Variants in AMZ1 observed in about 807,000 individuals in gnomAD.
The protein encoded by AMZ1 is archaelysin family metallopeptidase 1.
Under a neutral mutation model 29.9 loss-of-function variants are expected in AMZ1, and 39 were observed. That is an observed-to-expected ratio of 1.30 (90% confidence interval 1.01 to 1.70). AMZ1 has a LOEUF of 1.70. Ranked by LOEUF, AMZ1 falls within the 40% of genes most tolerant of loss-of-function variation. AMZ1 has a pLI of 0.00. For synonymous variants in AMZ1, 458 were observed against 304.0 expected, an observed-to-expected ratio of 1.51 and a Z score of -5.27; for missense variants, 1,041 against 680.6, an observed-to-expected ratio of 1.53 and a Z score of -5.89.
rs764576374 is a variant in AMZ1, at chr7:2,709,780, G to A, written c.912G>A (p.Gln304=). The change falls in exon 6 of 7, where the codon CAG becomes CAA. Residue 304 remains glutamine, a synonymous_variant. Coordinates refer to ENST00000683327, the MANE Select transcript of AMZ1 (RefSeq NM_001384743.1). ...DLCPICLRKL[Q]HVLGFRLIER... is the part of the protein sequence containing the mutation. Reference sequence around the variant, plus strand: ...GTCCCATCTGCCTGAGGAAGCTGCAGCATGTCCTGGGTTTCAGGCTCATCG... The same window carrying A: ...GTCCCATCTGCCTGAGGAAGCTGCAACATGTCCTGGGTTTCAGGCTCATCG... 6.2e-7 allele frequency: 1 copy of A among 1,612,122 alleles called. No individual in the cohort carries two copies. Among genetic ancestry groups the A allele is most frequent in the South Asian group, 1.1e-5 (1 of 91,032 alleles).
At chr7:2,759,187 AT>A (rs1791443854) in intron 4 of AMZ1, among the ~76,000 whole-genome samples, 1 of 149,122 alleles carries the variant, frequency 6.7e-6, no homozygotes, top group Admixed American at 6.6e-5. Context: ...AAATAAATAA[AT>A]AAAATAAAAA....
intron 4 of AMZ1, among the ~76,000 whole-genome samples, chr7:2,735,732 T>C (rs980464948): frequency 3.9e-5 from 6 of 152,168 alleles, no homozygotes; most frequent in African/African-American, 1.4e-4. Flanking sequence ...TATCTGTGAC[T>C]CTCGGTCATC....
At chr7:2,709,920 T>C (rs1788658177) in intron 6 of AMZ1, 104 bp downstream of exon 6, 1 of 1,482,548 alleles carries the variant, frequency 6.7e-7, no homozygotes, top group Non-Finnish European at 9.1e-7. Context: ...ACACAGGCTT[T>C]GTCAACTGCC....
At chr7:2,728,334 C>T (rs1789713932) in intron 4 of AMZ1, 1 of 152,178 alleles carries the variant, frequency 6.6e-6, no homozygotes, top group Non-Finnish European at 1.5e-5. Context: ...AATCTTCTTT[C>T]AAGAGTTTTT....
chr7:2,738,436 A>T (rs1330988140), intron 4 of AMZ1, among the ~76,000 whole-genome samples: 1 of 152,216 alleles, frequency 6.6e-6, no homozygotes, highest in African/African-American at 2.4e-5. Flanking sequence ...GCGAAGGAGA[A>T]GAGCTCCGTG....
chr7:2,684,252 G>A (rs1786989687), upstream of AMZ1, among the ~76,000 whole-genome samples: 1 of 152,106 alleles, frequency 6.6e-6, no homozygotes, highest in Non-Finnish European at 1.5e-5. Context: ...CTCTTACAAA[G>A]TCACTTGCAT....
intron 3 of AMZ1, among the ~76,000 whole-genome samples, chr7:2,705,289 G>A (rs1277754560): frequency 6.6e-6 from 1 of 152,088 alleles, no homozygotes; most frequent in Non-Finnish European, 1.5e-5. Flanking sequence ...GCATGTCAGG[G>A]TCATCCTGCC....
chr7:2,690,797 A>C (rs1787341712), intron 1 of AMZ1, among the ~76,000 whole-genome samples: 1 of 152,080 alleles, frequency 6.6e-6, no homozygotes, highest in Admixed American at 6.6e-5. Flanking sequence ...TTTGGGCCCA[A>C]GTCACACCTG....
chr7:2,744,333 C>T (rs1420987744), intron 4 of AMZ1, among the ~76,000 whole-genome samples: 3 of 152,154 alleles, frequency 2.0e-5, no homozygotes, highest in Non-Finnish European at 2.9e-5. Context: ...TCCAGAGGAA[C>T]GATCAGGCAG....
intron 2 of AMZ1, among the ~76,000 whole-genome samples, chr7:2,701,758 G>GCCTT (rs1193524656): frequency 6.6e-6 from 1 of 152,210 alleles, no homozygotes; most frequent in Non-Finnish European, 1.5e-5. Context: ...ACCTCGCCTG[G>GCCTT]CCTTGCCCCA....
intron 4 of AMZ1, among the ~76,000 whole-genome samples, chr7:2,748,131 A>C (rs1353045745): frequency 1.3e-4 from 19 of 151,030 alleles, no homozygotes; most frequent in South Asian, 2.1e-4. Context: ...GCTACCAATG[A>C]CTTTCTTCAC....
chr7:2,723,887 A>C (rs1159113744), downstream of AMZ1, among the ~76,000 whole-genome samples: 1 of 152,134 alleles, frequency 6.6e-6, no homozygotes, highest in African/African-American at 2.4e-5. Flanking sequence ...CTGCGGCGAT[A>C]AACTTTCCCT....
intron 4 of AMZ1, among the ~76,000 whole-genome samples, chr7:2,751,220 CA>C (rs958951316): frequency 1.3e-5 from 2 of 151,070 alleles, no homozygotes; most frequent in South Asian, 2.1e-4. Context: ...CCCATCTTCT[CA>C]AAAAAAACCC....
At chr7:2,690,467 C>T (rs565659239) in intron 1 of AMZ1, among the ~76,000 whole-genome samples, 6 of 152,236 alleles carry the variant, frequency 3.9e-5, no homozygotes, top group East Asian at 3.9e-4. Context: ...GCGATTGTCC[C>T]GGGAGGTGGC....
Position 2,708,643 on chromosome 7 carries a change from G to C in AMZ1, c.528G>C (p.Leu176=). Residue 176 remains leucine (L), a synonymous_variant, in exon 4 of 7, where the codon CTG becomes CTC. Transcript: ENST00000683327. ...NNKPGDALCV[L]GLTLSDLYPH... is the part of the protein sequence containing the mutation. ...AGCCAGGGGACGCGCTGTGTGTGCTGGGCCTCACACTGTCTGACCTGTACC... is the reference window on the plus strand; with the variant it reads ...AGCCAGGGGACGCGCTGTGTGTGCTCGGCCTCACACTGTCTGACCTGTACC... 6.2e-7 allele frequency: 1 copy of C among 1,613,176 alleles called. No homozygotes were observed. The highest frequency in any genetic ancestry group is 8.5e-7 in the Non-Finnish European group (1 of 1,179,982).
chr7:2,700,554 G>A lies in AMZ1; in HGVS notation c.103G>A (p.Ala35Thr), dbSNP rs774941672. Reference sequence around the variant, plus strand: ...AGCCCTGCAGCAGCTGTATGTGTCCGCCTTCTCCCCTGCCGAGCGGCTCTT... The same window carrying A: ...AGCCCTGCAGCAGCTGTATGTGTCCACCTTCTCCCCTGCCGAGCGGCTCTT... ...DAALQQLYVS[A>T]FSPAERLFLA... is the part of the protein sequence containing the mutation. The change falls in exon 2 of 7, where the codon GCC (alanine) becomes ACC (threonine). Residue 35 changes from alanine to threonine, a missense_variant. Coordinates refer to ENST00000683327, the MANE Select transcript of AMZ1 (RefSeq NM_001384743.1). 7 of 1,609,424 alleles carry A rather than the reference G, an allele frequency of 4.3e-6. 1 individual carries two copies. The highest frequency in any genetic ancestry group is 2.2e-5 in the East Asian group (1 of 44,874).
chr7:2,702,522 C>T lies in AMZ1; in HGVS notation c.305-200C>T, dbSNP rs763499681. On this transcript the variant is annotated intron_variant, in intron 2 of 6. Transcript: ENST00000683327. ...CCTTTCATCTGTGCATGAATCTTTC[C>T]TCTGTGTCCCTCGGTGTTTGCCCTT... 88 of 605,580 alleles carry T rather than the reference C, an allele frequency of 1.5e-4. 1 individual carries two copies. In the Admixed American group the frequency reaches 2.1e-3, roughly 15 times the overall value. 37.5% of individuals were successfully genotyped at this position (605,580 alleles called of 1,614,324 possible).
intron 2 of AMZ1, among the ~76,000 whole-genome samples, chr7:2,701,725 G>A (rs1583161595): frequency 6.6e-6 from 1 of 152,002 alleles, no homozygotes; most frequent in Non-Finnish European, 1.5e-5. Flanking sequence ...TCGGCATCTC[G>A]ACAGCAAGCC....
chr7:2,756,124 G>C lies in AMZ1; in HGVS notation n.551-8588G>C, dbSNP rs925572537. On this transcript the variant is annotated intron_variant and non_coding_transcript_variant, in intron 4 of 4. Transcript: ENST00000489665. ...TAATATGGATCAACCGAATAGAAAT[G>C]AGAGTGCAGAAACAGGCCCCCACAT... Among the ~76,000 whole-genome samples, 13 of 152,308 alleles carry C rather than the reference G, an allele frequency of 8.5e-5. No individual in the cohort carries two copies. In the East Asian group the frequency reaches 1.9e-3, roughly 23 times the overall value.
Sources: gnomAD v4.1 joint callset for allele counts (sites outside exome capture counted in the v4.1 genomes callset) on GRCh38, gnomAD v4.1.1 for gene constraint, MANE v1.5 for transcripts, NCBI Gene and HGNC (gene_info 2026-07-23, HGNC 2026-07-21) for gene names.